The following NDUFV2 variants were observed in gnomAD, a reference collection of about 807,000 sequenced individuals.
NDUFV2 encodes the protein NADH:ubiquinone oxidoreductase core subunit V2, also known as NADH dehydrogenase [ubiquinone] flavoprotein 2, mitochondrial.
Under a neutral mutation model 31.6 loss-of-function variants are expected in NDUFV2, and 18 were observed. That is an observed-to-expected ratio of 0.57 (90% CI 0.39 to 0.84). The LOEUF (loss-of-function observed/expected upper bound fraction) is 0.84, where lower values mean the gene tolerates loss of function less well. NDUFV2 is among the 40% of genes least tolerant of loss of function. The probability of loss-of-function intolerance (pLI) is 0.00; values close to 1 mark genes in which losing one functional copy is unlikely to be tolerated. For missense variants in NDUFV2, 314 were observed against 303.6 expected (o/e 1.03, Z -0.26); for synonymous variants, 83 against 99.8 (o/e 0.83, Z 1.01).
At chr18:9,107,661 A>G (rs918527992) in intron 1 of NDUFV2, among the ~76,000 whole-genome samples, 3 of 152,164 alleles carry the variant, frequency 2.0e-5, no homozygotes, top group Non-Finnish European at 2.9e-5. Flanking sequence ...TTTTTAATCT[A>G]CCTTTCTGAA....
chr18:9,104,846 G>A, intron 1 of NDUFV2: 1 of 1,302,856 alleles, frequency 7.7e-7, no homozygotes, highest in East Asian at 2.6e-5. Flanking sequence ...ACAATACTGA[G>A]ACTAGCAAGT....
At chr18:9,133,155 A>C (rs2078055198) in intron 7 of NDUFV2, among the ~76,000 whole-genome samples, 2 of 152,260 alleles carry the variant, frequency 1.3e-5, no homozygotes, top group African/African-American at 4.8e-5. Context: ...GCTCCAATAA[A>C]AAATGATTCC....
At chr18:9,127,559 C>A (rs562854609) in intron 7 of NDUFV2, among the ~76,000 whole-genome samples, 1 of 152,328 alleles carries the variant, frequency 6.6e-6, no homozygotes, top group East Asian at 1.9e-4. Flanking sequence ...GCAAGCTCCA[C>A]CTCCCAGGTA....
chr18:9,104,222 G>A, intron 1 of NDUFV2: 1 of 1,612,730 alleles, frequency 6.2e-7, no homozygotes, highest in Non-Finnish European at 8.5e-7. Flanking sequence ...CTCTGCTGTT[G>A]GAGGTAAGGT....
At chr18:9,114,276 T>A (rs2077886032) in intron 1 of NDUFV2, among the ~76,000 whole-genome samples, 1 of 152,122 alleles carries the variant, frequency 6.6e-6, no homozygotes, top group African/African-American at 2.4e-5. Context: ...ATTATAATTT[T>A]ACTAGAAAAA....
intron 1 of NDUFV2, among the ~76,000 whole-genome samples, chr18:9,113,479 G>T (rs2077881907): frequency 1.3e-5 from 2 of 152,176 alleles, no homozygotes; most frequent in Admixed American, 6.5e-5. Flanking sequence ...AGCATCCTGG[G>T]TCAGTAGGCA....
At chr18:9,119,802 GC>G (rs1189968578) in intron 4 of NDUFV2, among the ~76,000 whole-genome samples, 2 of 151,862 alleles carry the variant, frequency 1.3e-5, no homozygotes, top group African/African-American at 4.8e-5. Context: ...AATAAGGAAG[GC>G]ATTATGGTGA....
chr18:9,116,614 G>A (rs897816656), intron 1 of NDUFV2, among the ~76,000 whole-genome samples: 1 of 152,160 alleles, frequency 6.6e-6, no homozygotes, highest in Non-Finnish European at 1.5e-5. Flanking sequence ...TTGTACGTGT[G>A]TCTCACATCC....
At chr18:9,103,046 G>A (rs1205834362) in intron 1 of NDUFV2, 1 of 491,412 alleles carries the variant, frequency 2.0e-6, no homozygotes, top group Non-Finnish European at 3.6e-6. Context: ...GGGCTGCTTG[G>A]TGATATATAT....
chr18:9,109,199 G>A (rs757191279), intron 1 of NDUFV2, among the ~76,000 whole-genome samples: 2 of 152,194 alleles, frequency 1.3e-5, no homozygotes, highest in Non-Finnish European at 2.9e-5. Context: ...TGTGTGCACT[G>A]TGACTCTTGC....
intron 1 of NDUFV2, among the ~76,000 whole-genome samples, chr18:9,110,454 C>G (rs1022011877): frequency 1.4e-4 from 21 of 152,122 alleles, no homozygotes; most frequent in Non-Finnish European, 1.9e-4. Flanking sequence ...AAACCGAGAG[C>G]TAAGATTTAT....
intron 6 of NDUFV2, 112 bp from the exon 7 acceptor site, chr18:9,126,719 A>T: frequency 1.1e-6 from 1 of 920,880 alleles, no homozygotes; most frequent in Non-Finnish European, 1.8e-6. Flanking sequence ...AGGATTGCTT[A>T]AGCCCAGGAG....
chr18:9,120,970 A>C (rs2077930995), intron 4 of NDUFV2, among the ~76,000 whole-genome samples: 1 of 152,216 alleles, frequency 6.6e-6, no homozygotes, highest in African/African-American at 2.4e-5. Flanking sequence ...TTAAAAAATA[A>C]GACAGGCATG....
intron 1 of NDUFV2, among the ~76,000 whole-genome samples, chr18:9,109,593 G>A (rs2077859538): frequency 6.6e-6 from 1 of 152,196 alleles, no homozygotes; most frequent in Admixed American, 6.5e-5. Context: ...TTGAGCTATT[G>A]GTATTGCCAG....
At chr18:9,118,467 T>C (rs2077910354) in intron 2 of NDUFV2, among the ~76,000 whole-genome samples, 1 of 152,140 alleles carries the variant, frequency 6.6e-6, no homozygotes, top group African/African-American at 2.4e-5. Flanking sequence ...TGTGTGATGA[T>C]TTAGAGTTAG....
At position 9,119,617 on chromosome 18, in the gene NDUFV2, C is replaced by G. The variant is rs551027823; in HGVS notation, c.300+27C>G. On this transcript the variant is annotated intron_variant, in intron 4 of 7. Transcript: ENST00000318388. ...TACTGGATTCATTTTTGCCTTAGTT[C>G]TAAAAGAGAAGAGATTGTGTATGAT... 7.9e-6 allele frequency: 12 copies of G among 1,528,488 alleles called. No homozygotes were observed. In the East Asian group the frequency reaches 2.7e-4, roughly 34 times the overall value. The allele number at this position is 1,528,488 out of a possible 1,614,324, so 94.7% of individuals were successfully genotyped here.
chr18:9,117,627 G>A (rs2077905382), intron 1 of NDUFV2: 2 of 507,896 alleles, frequency 3.9e-6, no homozygotes, highest in South Asian at 2.3e-5. Context: ...TGACTCGTGT[G>A]TGTGATGTTA....
At chr18:9,123,283 A>C (rs2077955756) in intron 5 of NDUFV2, among the ~76,000 whole-genome samples, 1 of 152,178 alleles carries the variant, frequency 6.6e-6, no homozygotes, top group Non-Finnish European at 1.5e-5. Flanking sequence ...GGTGGTATTG[A>C]AATATATAAA....
At chr18:9,104,793 T>G in intron 1 of NDUFV2, 1 of 736,812 alleles carries the variant, frequency 1.4e-6, no homozygotes, top group Non-Finnish European at 1.9e-6. Context: ...AGTTGATGAA[T>G]AAGTTTAATT....
Sources: allele counts gnomAD v4.1 joint callset (sites outside exome capture counted in the v4.1 genomes callset), GRCh38; gene constraint gnomAD v4.1.1; transcripts MANE v1.5; gene names NCBI Gene and HGNC (gene_info 2026-07-23, HGNC 2026-07-21).